Variants in LGSN observed in about 807,000 individuals in gnomAD.
LGSN encodes the protein lengsin.
LGSN carries 21 observed loss-of-function variants against 19.5 expected under a neutral mutation model. That is an observed-to-expected ratio of 1.07 (90% confidence interval 0.76 to 1.55). The LOEUF is 1.55. Among genes scored for constraint, LGSN ranks in the 40% most tolerant of loss-of-function variants. The pLI is 0.00. For synonymous variants in LGSN, 257 were observed against 215.6 expected, an observed-to-expected ratio of 1.19 and a Z score of -1.68; for missense variants, 673 against 608.5, an observed-to-expected ratio of 1.11 and a Z score of -1.12.
chr6:63,467,982 G>A, the LGSN span, among the ~76,000 whole-genome samples: 1,798 of 151,998 alleles, frequency 0.012, 25 homozygotes, highest in African/African-American at 0.033. Context: ...GTGAGGCACC[G>A]GGCCCGGTCT....
the LGSN span, among the ~76,000 whole-genome samples, chr6:63,458,363 G>A: frequency 3.9e-5 from 6 of 152,126 alleles, no homozygotes; most frequent in Admixed American, 1.3e-4. Flanking sequence ...CATCGGGCCC[G>A]GCTAGCCTTT....
the LGSN span, among the ~76,000 whole-genome samples, chr6:63,378,034 G>GA: frequency 0.017 from 1,457 of 85,218 alleles, 9 homozygotes; most frequent in African/African-American, 0.035. Flanking sequence ...CCAGATTTTT[G>GA]AAAAAAAAAA....
At chr6:63,319,212 A>G (rs1033672951) in intron 1 of LGSN, among the ~76,000 whole-genome samples, 1 of 152,220 alleles carries the variant, frequency 6.6e-6, no homozygotes, top group African/African-American at 2.4e-5. Flanking sequence ...ACTATTTCAT[A>G]CATAATGCAC....
At chr6:63,457,284 C>T in the LGSN span, among the ~76,000 whole-genome samples, 2 of 151,952 alleles carry the variant, frequency 1.3e-5, no homozygotes, top group South Asian at 4.2e-4. Flanking sequence ...GCGGGTGGAT[C>T]ACTTGAGGTC....
the LGSN span, among the ~76,000 whole-genome samples, chr6:63,546,415 A>C: frequency 1.3e-5 from 2 of 152,226 alleles, no homozygotes; most frequent in South Asian, 4.1e-4. Context: ...TTTAAAGAGT[A>C]CAACATTTGG....
the LGSN span, among the ~76,000 whole-genome samples, chr6:63,523,264 C>A: frequency 1.3e-5 from 2 of 152,024 alleles, no homozygotes; most frequent in African/African-American, 4.8e-5. Context: ...TATGTACTTT[C>A]TCAGGCATTA....
chr6:63,339,618 T>C, the LGSN span, among the ~76,000 whole-genome samples: 8 of 152,306 alleles, frequency 5.3e-5, no homozygotes, highest in African/African-American at 1.9e-4. Flanking sequence ...TCTTGGTTTT[T>C]TTCCATCTAT....
At chr6:63,505,565 A>AAAAAGAAAGAAACAGAAAGAAAG in the LGSN span, among the ~76,000 whole-genome samples, 2 of 58,674 alleles carry the variant, frequency 3.4e-5, 1 homozygote, top group African/African-American at 1.8e-4. Context: ...AAAAAAAAAA[A>AAAAAGAAAGAAACAGAAAGAAAG]AAAGAAAGAA....
At chr6:63,501,002 T>C in the LGSN span, among the ~76,000 whole-genome samples, 1 of 152,162 alleles carries the variant, frequency 6.6e-6, no homozygotes, top group Non-Finnish European at 1.5e-5. Flanking sequence ...GTGTTGGGAT[T>C]ACAGGCGTGA....
chr6:63,382,899 G>C, the LGSN span, among the ~76,000 whole-genome samples: 1 of 152,058 alleles, frequency 6.6e-6, no homozygotes. Context: ...TCAAGAATGG[G>C]TAAAAGTAAA....
chr6:63,356,037 G>A, the LGSN span, among the ~76,000 whole-genome samples: 3 of 145,562 alleles, frequency 2.1e-5, no homozygotes, highest in Admixed American at 6.6e-5. Flanking sequence ...TTCCTTCTAC[G>A]CACATCTATA....
chr6:63,549,133 C>G, the LGSN span: 1 of 687,732 alleles, frequency 1.5e-6, no homozygotes, highest in East Asian at 2.6e-5. Context: ...GGGATGCCCC[C>G]TTTGCCAGCA....
At chr6:63,402,166 G>T in the LGSN span, among the ~76,000 whole-genome samples, 1 of 152,160 alleles carries the variant, frequency 6.6e-6, no homozygotes, top group Non-Finnish European at 1.5e-5. Context: ...GCTCACGAAA[G>T]AAATATATAT....
chr6:63,366,240 G>T, the LGSN span, among the ~76,000 whole-genome samples: 1 of 152,176 alleles, frequency 6.6e-6, no homozygotes, highest in South Asian at 2.1e-4. Context: ...CTTCAGCAAA[G>T]TCTCAGCATA....
At chr6:63,365,183 C>A in the LGSN span, among the ~76,000 whole-genome samples, 450 of 152,060 alleles carry the variant, frequency 3.0e-3, 3 homozygotes, top group African/African-American at 0.01. Flanking sequence ...AATTGACAGA[C>A]CACTAGCAAG....
At chr6:63,492,760 A>G in the LGSN span, among the ~76,000 whole-genome samples, 1 of 152,214 alleles carries the variant, frequency 6.6e-6, no homozygotes, top group African/African-American at 2.4e-5. Context: ...ACATCTATAT[A>G]AAGTTCAGTA....
At chr6:63,415,244 C>G in the LGSN span, among the ~76,000 whole-genome samples, 282 of 152,248 alleles carry the variant, frequency 1.9e-3, no homozygotes, top group African/African-American at 5.3e-3. Context: ...TCTCTTGAAC[C>G]CTTGAGGCGG....
the LGSN span, among the ~76,000 whole-genome samples, chr6:63,482,352 T>C: frequency 1.3e-5 from 2 of 152,206 alleles, no homozygotes; most frequent in African/African-American, 4.8e-5. Flanking sequence ...TCCACTTGGA[T>C]CCCTTCATTA....
At chr6:63,338,170 G>A in the LGSN span, among the ~76,000 whole-genome samples, 6 of 152,248 alleles carry the variant, frequency 3.9e-5, no homozygotes, top group East Asian at 1.2e-3. Context: ...ACAGGCATGA[G>A]CCACCGTGCC....
Sources: allele counts gnomAD v4.1 joint callset (sites outside exome capture counted in the v4.1 genomes callset), GRCh38; gene constraint gnomAD v4.1.1; transcripts MANE v1.5; gene names NCBI Gene and HGNC (gene_info 2026-07-23, HGNC 2026-07-21).